The following KRT2 variants were observed in gnomAD, a reference collection of about 807,000 sequenced individuals.
KRT2 encodes the protein keratin, type II cytoskeletal 2 epidermal.
Under a neutral mutation model 48.5 loss-of-function variants are expected in KRT2, and 37 were observed. That is an observed-to-expected ratio of 0.76 (90% CI 0.59 to 1.00). The LOEUF is 1.00. Ranked by LOEUF, KRT2 falls within the 50% of genes least tolerant of loss-of-function variation. The pLI is 0.00. For missense variants in KRT2, 880 were observed against 815.2 expected, an observed-to-expected ratio of 1.08 and a Z score of -0.97; for synonymous variants, 324 against 312.2, an observed-to-expected ratio of 1.04 and a Z score of -0.40.
intron 1 of KRT2, 60 bp downstream of exon 1, chr12:52,651,498 G>T: frequency 8.0e-7 from 1 of 1,250,772 alleles, no homozygotes; most frequent in Non-Finnish European, 1.2e-6. Flanking sequence ...TTTTCTTTTT[G>T]GTTGGCTCTG....
At chr12:52,648,078 A>C in intron 5 of KRT2, 95 bp downstream of exon 5, 1 of 1,460,420 alleles carries the variant, frequency 6.8e-7, no homozygotes, top group Non-Finnish European at 9.6e-7. Context: ...ACCATTAAAC[A>C]AAAAACCAAT....
chr12:52,649,956 A>G lies in KRT2; in HGVS notation c.819T>C (p.Asn273=). 1 of 1,613,150 alleles carries G rather than the reference A, an allele frequency of 6.2e-7. No individual in the cohort carries two copies. The change falls in exon 3 of 9, where the codon AAT becomes AAC. Residue 273 remains asparagine (N), a synonymous_variant. Transcript: ENST00000309680. ...AATCATTCTCAGCAGCTGTGCGCTT[A>G]TTGATTTCATCCTCATACCTATTGG... The part of the protein sequence containing the change: ...DYKKKYEDEI[N]KRTAAENDFV...
At chr12:52,650,219 A>G in intron 2 of KRT2, 120 bp downstream of exon 2, 1 of 900,322 alleles carries the variant, frequency 1.1e-6, no homozygotes, top group South Asian at 1.3e-5. Context: ...CAACAAAGAT[A>G]CATATGCCTC....
In KRT2 at chr12:52,645,330, T is replaced by A; in HGVS notation, c.1609A>T (p.Ser537Cys). ...SSGGGYSSGS[S>C]SYGSGGRQSG... ...TGTCGGCCTCCAGAGCCATAACTGC[T>A]GCTTCCAGAGCTGTATCCTCCTCCG... Residue 537 changes from serine (S) to cysteine (C), a missense_variant, in exon 9 of 9, where the codon AGC becomes TGC. By Grantham distance (112) the Ser-to-Cys change is moderately radical. Transcript: ENST00000309680. The A allele has an allele frequency of 2.5e-6, 4 of 1,614,194 alleles. No homozygotes were observed. In the South Asian group the frequency reaches 4.4e-5, roughly 18 times the overall value.
chr12:52,644,646 C>A lies in KRT2; in HGVS notation c.*373G>T. ...ACAAGAGGAGCTATATACACAGAAACACATTTCCCCCCAGCACTGCCAGGC... is the reference window on the plus strand; with the variant it reads ...ACAAGAGGAGCTATATACACAGAAAAACATTTCCCCCCAGCACTGCCAGGC... On this transcript the variant is annotated 3_prime_UTR_variant, in exon 9 of 9. Transcript: ENST00000309680. The A allele has an allele frequency of 3.1e-6, 1 of 323,302 alleles. No individual in the cohort carries two copies. The highest frequency in any genetic ancestry group is 3.3e-5 in the South Asian group (1 of 30,180). 20.0% of individuals were successfully genotyped at this position (323,302 alleles called of 1,614,324 possible). A position where few individuals can be genotyped will look rare whatever the true frequency, so the allele number is the denominator to read the frequency against.
rs144959871 is a variant in KRT2, at chr12:52,647,823, A to G, written c.1155T>C (p.His385=). ...YEELQVTVGR[H]GDSLKEIKIE... ...TCTTGATCTCTTTCAGGCTGTCTCCATGTCTCCCGACAGTCACCTGGAGCT... is the reference window on the plus strand; with the variant it reads ...TCTTGATCTCTTTCAGGCTGTCTCCGTGTCTCCCGACAGTCACCTGGAGCT... Residue 385 remains histidine (H), a synonymous_variant, in exon 6 of 9, where the codon CAT becomes CAC. Transcript: ENST00000309680. 4.2e-5 allele frequency: 67 copies of G among 1,614,062 alleles called. No individual in the cohort carries two copies. In the African/African-American group the frequency reaches 8.0e-4, roughly 19 times the overall value.
intron 6 of KRT2, among the ~76,000 whole-genome samples, 195 bp from the exon 7 acceptor site, chr12:52,647,155 C>A (rs1001004301): frequency 6.6e-6 from 1 of 152,180 alleles, no homozygotes; most frequent in Non-Finnish European, 1.5e-5. Flanking sequence ...TGATGACACC[C>A]TTTGGCTTTC....
At chr12:52,649,163 G>A (rs764398045) in intron 3 of KRT2, 61 bp from the exon 4 acceptor site, 70 of 1,006,860 alleles carry the variant, frequency 7.0e-5, no homozygotes, top group Non-Finnish European at 9.7e-5. Context: ...TCCTCTCTCT[G>A]CCACTCCCCT....
intron 7 of KRT2, 69 bp from the exon 8 acceptor site, chr12:52,645,638 C>A: frequency 6.6e-7 from 1 of 1,506,618 alleles, no homozygotes. Context: ...TGTTTTACCA[C>A]TTCCACCCGC....
intron 4 of KRT2, 88 bp downstream of exon 4, chr12:52,648,919 C>T: frequency 1.1e-6 from 1 of 888,390 alleles, no homozygotes; most frequent in East Asian, 2.4e-5. Context: ...ATAAACCCCA[C>T]TTCTGCCACT....
At position 52,650,560 on chromosome 12, in the gene KRT2, T is replaced by C. The variant is rs1318325597; in HGVS notation, c.586-7A>G. 7 of 1,610,678 alleles carry C rather than the reference T, an allele frequency of 4.3e-6. No homozygotes were observed. ...GCTGCTCCAAGAACCGCACCTGCCA[T>C]GACCAGAAGGAGAGCACATGAGTTC... is the stretch of plus-strand genomic sequence containing the variant. On this transcript the variant is annotated splice_polypyrimidine_tract_variant and splice_region_variant and intron_variant, in intron 1 of 8. Transcript: ENST00000309680.
In KRT2 at chr12:52,647,728, A is replaced by T; in HGVS notation, c.1248+2T>A. On this transcript the variant is annotated splice_donor_variant, in intron 6 of 8. Coordinates refer to ENST00000309680, the MANE Select transcript of KRT2 (RefSeq NM_000423.3). LOFTEE classifies it high-confidence loss of function. ...CCCTCGCTGGACAGGGCTGGGCCTCACCTGCTTCTTCACATGTGCGATCTC... is the reference window on the plus strand; with the variant it reads ...CCCTCGCTGGACAGGGCTGGGCCTCTCCTGCTTCTTCACATGTGCGATCTC... 1 of 1,613,614 alleles carries T rather than the reference A, an allele frequency of 6.2e-7. No homozygotes were observed. The highest frequency in any genetic ancestry group is 8.5e-7 in the Non-Finnish European group (1 of 1,179,824).
intron 6 of KRT2, among the ~76,000 whole-genome samples, chr12:52,647,416 C>A (rs538195668): frequency 6.6e-6 from 1 of 152,356 alleles, no homozygotes; most frequent in South Asian, 2.1e-4. Context: ...ACGGGAAGCT[C>A]CATCGGCAAT....
intron 4 of KRT2, 36 bp from the exon 5 acceptor site, chr12:52,648,373 G>A: frequency 6.3e-7 from 1 of 1,595,066 alleles, no homozygotes; most frequent in Non-Finnish European, 8.6e-7. Context: ...ATGACATCCT[G>A]CCATAGCTAC....
At position 52,652,009 on chromosome 12, in the gene KRT2, C is replaced by T. The variant is rs149447253; in HGVS notation, c.134G>A (p.Arg45His). 2.2e-4 allele frequency: 354 copies of T among 1,611,142 alleles called. 2 individuals are homozygous for T. The Middle Eastern group carries it at 0.017, about 75-fold the overall frequency. The change falls in exon 1 of 9, where the codon CGC (arginine) becomes CAC (histidine). Residue 45 changes from arginine to histidine, a missense_variant. Arg to His is a conservative substitution (Grantham distance 29, BLOSUM62 0). Coordinates refer to ENST00000309680, the MANE Select transcript of KRT2 (RefSeq NM_000423.3). ...RSTSSFSCLS[R>H]HGGGGGGFGG... ...GAAGCCCCCGCCACCACCACCATGG[C>T]GGCTCAAGCAGGAGAAGCTGGAAGT... is the stretch of plus-strand genomic sequence containing the variant.
In KRT2 at chr12:52,648,257, A is replaced by G. The variant is rs756544221; in HGVS notation, c.1038T>C (p.Asp346=). Residue 346 remains aspartate, a synonymous_variant, in exon 5 of 9, where the codon GAT becomes GAC. Coordinates refer to ENST00000309680, the MANE Select transcript of KRT2 (RefSeq NM_000423.3). ...SMDNSRNLDL[D]SIIAEVKAQY... ...GGGCCTTGACCTCGGCGATGATGCT[A>G]TCCAAGTCCAGGTTGCGGCTGTTGT... 8 of 1,614,034 alleles carry G rather than the reference A, an allele frequency of 5.0e-6. No individual in the cohort carries two copies. The highest frequency in any genetic ancestry group is 5.9e-6 in the Non-Finnish European group (7 of 1,179,964).
intron 7 of KRT2, among the ~76,000 whole-genome samples, chr12:52,645,815 T>C (rs1941155882): frequency 6.6e-6 from 1 of 152,240 alleles, no homozygotes; most frequent in Non-Finnish European, 1.5e-5. Flanking sequence ...AGTTGCGTGG[T>C]TGATCCAAGG....
intron 6 of KRT2, 73 bp downstream of exon 6, chr12:52,647,657 T>C: frequency 6.4e-7 from 1 of 1,573,214 alleles, no homozygotes; most frequent in Non-Finnish European, 8.7e-7. Context: ...ACATGCACAC[T>C]CACACACAAC....
rs757876402 is a variant in KRT2, at chr12:52,645,104, T to C, written c.1835A>G (p.Tyr612Cys). 3.7e-6 allele frequency: 6 copies of C among 1,613,880 alleles called. No individual in the cohort carries two copies. The South Asian group carries it at 5.5e-5, about 15-fold the overall frequency. Residue 612 changes from tyrosine to cysteine, a missense_variant, in exon 9 of 9, where the codon TAT (tyrosine) becomes TGT (cysteine). Transcript: ENST00000309680. The stretch of plus-strand genomic sequence containing the variant: ...GCTAGAACCCCCACCTCCAGAGCCA[T>C]ATCCTCCTCCAGAGCTGGAGCCTCC... Reference protein sequence around the residue: ...SRGGSSSGGGYGSGGGGSSSV... With the variant: ...SRGGSSSGGGCGSGGGGSSSV...
Sources: gnomAD v4.1 joint callset for allele counts (sites outside exome capture counted in the v4.1 genomes callset) on GRCh38, gnomAD v4.1.1 for gene constraint, MANE v1.5 for transcripts, NCBI Gene and HGNC (gene_info 2026-07-23, HGNC 2026-07-21) for gene names.